Variants in SDK1 observed in about 807,000 individuals in gnomAD.
SDK1 encodes the protein protein sidekick-1.
A neutral mutation model predicts 245.5 loss-of-function variants in SDK1; 157 were observed. That is an observed-to-expected ratio of 0.64 (90% CI 0.56 to 0.73). The LOEUF (loss-of-function observed/expected upper bound fraction) is 0.73. Among genes scored for constraint, SDK1 ranks in the 30% least tolerant of loss-of-function variants. The pLI, the probability that SDK1 is intolerant of heterozygous loss-of-function variation, is 0.00. For missense variants in SDK1, 3,583 were observed against 3,002.3 expected (o/e 1.19, Z -4.52); for synonymous variants, 1,647 against 1,278.5 (o/e 1.29, Z -6.15).
intron 1 of SDK1, among the ~76,000 whole-genome samples, chr7:3,307,031 A>C (rs1180041701): frequency 6.6e-6 from 1 of 152,206 alleles, no homozygotes; most frequent in African/African-American, 2.4e-5. Context: ...AATCACATTG[A>C]AAGGTGTAGT....
intron 4 of SDK1, among the ~76,000 whole-genome samples, chr7:3,779,698 C>T (rs539370448): frequency 4.6e-4 from 70 of 151,442 alleles, no homozygotes; most frequent in Admixed American, 1.8e-3. Context: ...TTTGGGAGGC[C>T]GAGGCGGGTG....
intron 1 of SDK1, among the ~76,000 whole-genome samples, chr7:3,607,011 G>T (rs1781446401): frequency 6.6e-6 from 1 of 152,090 alleles, no homozygotes; most frequent in East Asian, 1.9e-4. Context: ...TCATTGATTT[G>T]CTGTTTTGAT....
At chr7:3,731,966 A>T (rs1562402972) in intron 4 of SDK1, among the ~76,000 whole-genome samples, 1 of 151,938 alleles carries the variant, frequency 6.6e-6, no homozygotes, top group Non-Finnish European at 1.5e-5. Context: ...TAATTTTTGT[A>T]TTTTTAGTAG....
rs755947619 is a variant in SDK1 at position 4,149,392 on chromosome 7, G to A, written c.4554G>A (p.Glu1518=). The part of the protein sequence containing the change: ...PIRYFTMQVR[E]LPRGEWQTYS... ...GGTACTTCACCATGCAGGTGCGAGA[G>A]CTGCCTCGGGGTGAGTGGCAGACCT... The change falls in exon 30 of 45, where the codon GAG becomes GAA. Residue 1518 remains glutamate, a synonymous_variant. Coordinates refer to ENST00000404826, the MANE Select transcript of SDK1 (RefSeq NM_152744.4). 3 of 1,585,340 alleles carry A rather than the reference G, an allele frequency of 1.9e-6. No homozygotes were observed. Among genetic ancestry groups the A allele is most frequent in the South Asian group, 2.3e-5 (2 of 86,578 alleles).
chr7:3,655,330 G>A (rs1474185696), intron 4 of SDK1, among the ~76,000 whole-genome samples: 1 of 150,708 alleles, frequency 6.6e-6, no homozygotes, highest in East Asian at 1.9e-4. Flanking sequence ...CTACTCGGGA[G>A]GCTGAGGCAG....
At chr7:3,717,472 G>C (rs537852234) in intron 4 of SDK1, among the ~76,000 whole-genome samples, 1 of 152,236 alleles carries the variant, frequency 6.6e-6, no homozygotes, top group South Asian at 2.1e-4. Flanking sequence ...CATTAAATGT[G>C]TATATTAGAA....
At chr7:3,955,495 G>A (rs1781188049) in intron 7 of SDK1, among the ~76,000 whole-genome samples, 1 of 152,186 alleles carries the variant, frequency 6.6e-6, no homozygotes, top group South Asian at 2.1e-4. Context: ...TGCCAAGTGA[G>A]ACAGCATATT....
At chr7:3,640,793 C>T (rs1037649918) in intron 3 of SDK1, among the ~76,000 whole-genome samples, 1 of 151,984 alleles carries the variant, frequency 6.6e-6, no homozygotes, top group African/African-American at 2.4e-5. Flanking sequence ...AAGTGATTCT[C>T]CTGCTTCAGC....
At chr7:4,116,709 G>C (rs1783734358) in intron 25 of SDK1, among the ~76,000 whole-genome samples, 3 of 152,206 alleles carry the variant, frequency 2.0e-5, no homozygotes, top group African/African-American at 7.2e-5. Context: ...GGTGAGGGTA[G>C]ACAGGAGGAC....
At chr7:3,598,782 G>A (rs1281536696) in intron 1 of SDK1, among the ~76,000 whole-genome samples, 1 of 152,186 alleles carries the variant, frequency 6.6e-6, no homozygotes, top group Non-Finnish European at 1.5e-5. Flanking sequence ...GGTTACTGCA[G>A]GTATCAATAG....
intron 1 of SDK1, among the ~76,000 whole-genome samples, chr7:3,430,193 C>T (rs1779798703): frequency 6.6e-6 from 1 of 152,198 alleles, no homozygotes; most frequent in Non-Finnish European, 1.5e-5. Context: ...GGAGCCGTTT[C>T]AGCGAGTCAC....
At chr7:4,107,282 C>T (rs1458278906) in intron 22 of SDK1, among the ~76,000 whole-genome samples, 1 of 152,070 alleles carries the variant, frequency 6.6e-6, no homozygotes, top group African/African-American at 2.4e-5. Flanking sequence ...TCTGTTTCCC[C>T]CTCACACATG....
At chr7:4,036,828 C>G (rs1454550155) in intron 17 of SDK1, among the ~76,000 whole-genome samples, 1 of 152,140 alleles carries the variant, frequency 6.6e-6, no homozygotes, top group East Asian at 1.9e-4. Flanking sequence ...CTTGGCCATC[C>G]CAGCTTGCAG....
At chr7:4,157,017 G>A (rs1208082158) in intron 30 of SDK1, among the ~76,000 whole-genome samples, 1 of 152,214 alleles carries the variant, frequency 6.6e-6, no homozygotes, top group Non-Finnish European at 1.5e-5. Flanking sequence ...AAGAGCCGCT[G>A]CCCGCCAGGG....
rs187542284 is a variant in SDK1 at position 4,030,541 on chromosome 7, G to A, written c.2602+13189G>A. Among the ~76,000 whole-genome samples the A allele has an allele frequency of 5.9e-5, 9 of 152,318 alleles. No homozygotes were observed. In the East Asian group the frequency reaches 1.7e-3, roughly 29 times the overall value. ...AGTTGGCACATGCCGTGACCTAGGAGGGCCCCTGGGGCACCTTCTCCTCCA... is the reference window on the plus strand; with the variant it reads ...AGTTGGCACATGCCGTGACCTAGGAAGGCCCCTGGGGCACCTTCTCCTCCA... On this transcript the variant is annotated intron_variant, in intron 17 of 44. Coordinates refer to ENST00000404826, the MANE Select transcript of SDK1 (RefSeq NM_152744.4).
At chr7:4,025,742 A>G (rs1440064397) in intron 17 of SDK1, among the ~76,000 whole-genome samples, 1 of 152,168 alleles carries the variant, frequency 6.6e-6, no homozygotes, top group Non-Finnish European at 1.5e-5. Flanking sequence ...TCCTGTTTCA[A>G]CACCCAGTGC....
chr7:3,626,499 C>T (rs1173092227), intron 2 of SDK1, among the ~76,000 whole-genome samples: 2 of 152,238 alleles, frequency 1.3e-5, no homozygotes, highest in Non-Finnish European at 2.9e-5. Flanking sequence ...TCTCAGCCTG[C>T]TCTTCAGCTA....
intron 41 of SDK1, among the ~76,000 whole-genome samples, chr7:4,234,635 G>C (rs1248713888): frequency 6.6e-6 from 1 of 152,146 alleles, no homozygotes; most frequent in Non-Finnish European, 1.5e-5. Context: ...TGCCTGTGAG[G>C]GACTCAACCC....
chr7:4,241,359 G>C (rs755612706), intron 42 of SDK1, among the ~76,000 whole-genome samples: 8 of 152,108 alleles, frequency 5.3e-5, no homozygotes, highest in Non-Finnish European at 1.0e-4. Flanking sequence ...TCTTGGCCAG[G>C]TGCAGTGGCT....
Sources: gnomAD v4.1 joint callset for allele counts (sites outside exome capture counted in the v4.1 genomes callset) on GRCh38, gnomAD v4.1.1 for gene constraint, MANE v1.5 for transcripts, NCBI Gene and HGNC (gene_info 2026-07-23, HGNC 2026-07-21) for gene names.